The following XRCC4 variants were observed in gnomAD, a reference collection of about 807,000 sequenced individuals.
XRCC4 encodes DNA repair protein XRCC4.
Under a neutral mutation model 39.1 loss-of-function variants are expected in XRCC4, and 28 were observed. The ratio of observed to expected loss-of-function variants is 0.72; its 90% CI spans 0.53 to 0.98. The LOEUF (loss-of-function observed/expected upper bound fraction) is 0.98. Ranked by LOEUF, XRCC4 falls within the 50% of genes least tolerant of loss-of-function variation. XRCC4 has a pLI of 0.00. For synonymous variants in XRCC4, 123 were observed against 126.4 expected (o/e 0.97, Z 0.18); for missense variants, 350 against 376.4 (o/e 0.93, Z 0.58).
intron 1 of XRCC4, among the ~76,000 whole-genome samples, chr5:83,097,755 TTAAG>T (rs1388691912): frequency 6.6e-6 from 1 of 152,146 alleles, no homozygotes; most frequent in African/African-American, 2.4e-5. Context: ...TTCAGTTCTG[TTAAG>T]TGTCATTCTC....
At chr5:83,166,890 T>G (rs1368719055) in intron 3 of XRCC4, among the ~76,000 whole-genome samples, 7 of 148,160 alleles carry the variant, frequency 4.7e-5, no homozygotes, top group Admixed American at 4.0e-4. Context: ...GGGTTTTTTG[T>G]TTTTTTTTTG....
chr5:83,085,716 T>C (rs957145981), intron 1 of XRCC4, among the ~76,000 whole-genome samples: 4 of 152,178 alleles, frequency 2.6e-5, no homozygotes, highest in Admixed American at 6.5e-5. Flanking sequence ...GACTTAGATA[T>C]TAATTTGGGG....
chr5:83,184,176 A>C (rs1297738127), intron 3 of XRCC4, among the ~76,000 whole-genome samples: 1 of 152,094 alleles, frequency 6.6e-6, no homozygotes, highest in Non-Finnish European at 1.5e-5. Context: ...CCAAACATAA[A>C]ATTAACATAC....
At chr5:83,315,718 G>A (rs993532742) in intron 7 of XRCC4, among the ~76,000 whole-genome samples, 3 of 152,038 alleles carry the variant, frequency 2.0e-5, no homozygotes, top group African/African-American at 7.2e-5. Context: ...GATTATTGCA[G>A]GCCTACTGTT....
chr5:83,142,453 T>C (rs1015838671), intron 3 of XRCC4, among the ~76,000 whole-genome samples: 9 of 152,254 alleles, frequency 5.9e-5, no homozygotes, highest in African/African-American at 2.2e-4. Flanking sequence ...CTATATATCA[T>C]GTCTTTTACT....
intron 7 of XRCC4, among the ~76,000 whole-genome samples, chr5:83,326,202 T>G (rs1398329763): frequency 1.3e-5 from 2 of 152,132 alleles, no homozygotes; most frequent in Admixed American, 1.3e-4. Context: ...TTCTGTAGGT[T>G]TTCTGCTAAC....
chr5:83,262,064 G>C (rs1217876560), intron 7 of XRCC4, among the ~76,000 whole-genome samples: 3 of 152,128 alleles, frequency 2.0e-5, no homozygotes, highest in African/African-American at 7.2e-5. Flanking sequence ...ACAAGGTATA[G>C]AAGGAGAGAG....
At chr5:83,306,209 T>TA (rs1323068904) in intron 7 of XRCC4, among the ~76,000 whole-genome samples, 1 of 151,290 alleles carries the variant, frequency 6.6e-6, no homozygotes, top group Non-Finnish European at 1.5e-5. Context: ...ATCAGTACTT[T>TA]TATATATATA....
chr5:83,331,939 G>T (rs1173043578), intron 7 of XRCC4, among the ~76,000 whole-genome samples: 1 of 152,128 alleles, frequency 6.6e-6, no homozygotes, highest in African/African-American at 2.4e-5. Context: ...AGGATGGATA[G>T]TACCAAATGA....
At chr5:83,316,529 CA>C (rs1426545611) in intron 7 of XRCC4, among the ~76,000 whole-genome samples, 1 of 149,402 alleles carries the variant, frequency 6.7e-6, no homozygotes, top group Admixed American at 6.7e-5. Flanking sequence ...CAATGGAAAA[CA>C]AAAAAAGGCA....
At position 83,093,388 on chromosome 5, in the gene XRCC4, A is replaced by G. The variant is rs567040578; in HGVS notation, c.-10-11522A>G. On this transcript the variant is annotated intron_variant, in intron 1 of 7. Coordinates refer to ENST00000396027, the MANE Select transcript of XRCC4 (RefSeq NM_003401.5). The stretch of plus-strand genomic sequence containing the variant: ...AGAGAACTTCAATGCACCACTTTCA[A>G]TAATGGACAGATAATGTCAGAAAAT... 2.6e-5 allele frequency among the ~76,000 whole-genome samples: 4 copies of G among 152,358 alleles called. No homozygotes were observed. The South Asian group carries it at 8.3e-4, about 32-fold the overall frequency.
At position 83,353,648 on chromosome 5, in the gene XRCC4, T is replaced by C. The variant is rs2035990; in HGVS notation, c.*406T>C. The C allele has an allele frequency of 0.1, 15,696 of 153,056 alleles. 1,410 individuals are homozygous for C. The highest frequency in any genetic ancestry group is 0.49 in the East Asian group (2,541 of 5,196). 9.5% of individuals were successfully genotyped at this position (153,056 alleles called of 1,614,324 possible). On this transcript the variant is annotated 3_prime_UTR_variant, in exon 8 of 8. Transcript: ENST00000396027. Reference sequence around the variant, plus strand: ...TTTTGAATAGACGTATTCAAACATATTCTGAACATTGATGTTTGAACATTT... The same window carrying C: ...TTTTGAATAGACGTATTCAAACATACTCTGAACATTGATGTTTGAACATTT...
intron 7 of XRCC4, among the ~76,000 whole-genome samples, chr5:83,352,830 T>C (rs569243315): frequency 6.6e-6 from 1 of 152,318 alleles, no homozygotes; most frequent in East Asian, 1.9e-4. Flanking sequence ...TTCTATATCC[T>C]GGCATAAAAG....
chr5:83,115,337 G>C (rs189598859), intron 3 of XRCC4, among the ~76,000 whole-genome samples: 1,797 of 152,340 alleles, frequency 0.012, 14 homozygotes, highest in Non-Finnish European at 0.018. Context: ...TGAGGCAGGA[G>C]AATGGCTTGA....
intron 7 of XRCC4, among the ~76,000 whole-genome samples, chr5:83,295,372 A>C (rs1023241423): frequency 7.9e-5 from 12 of 152,118 alleles, no homozygotes; most frequent in African/African-American, 2.9e-4. Context: ...ATAAGATGCC[A>C]TGAGAAAAGG....
intron 3 of XRCC4, among the ~76,000 whole-genome samples, chr5:83,116,351 C>T (rs1256729278): frequency 6.6e-6 from 1 of 152,004 alleles, no homozygotes; most frequent in Non-Finnish European, 1.5e-5. Flanking sequence ...AGATGCATAC[C>T]TCTGGGAGTC....
chr5:83,225,802 G>A (rs1752265732), intron 6 of XRCC4, among the ~76,000 whole-genome samples: 1 of 151,668 alleles, frequency 6.6e-6, no homozygotes, highest in African/African-American at 2.4e-5. Context: ...TCTGCTACGA[G>A]ATAGTGAGAG....
intron 6 of XRCC4, among the ~76,000 whole-genome samples, chr5:83,245,098 G>A (rs1358168930): frequency 6.6e-6 from 1 of 152,114 alleles, no homozygotes; most frequent in Non-Finnish European, 1.5e-5. Flanking sequence ...AATCACTTGT[G>A]TTGAGAAAAG....
rs556110474 is a variant in XRCC4 at position 83,259,910 on chromosome 5, A to G, written c.893+1233A>G. Among the ~76,000 whole-genome samples the G allele has an allele frequency of 5.3e-3, 802 of 152,234 alleles. 11 individuals are homozygous for G. The highest frequency in any genetic ancestry group is 5.9e-3 in the Non-Finnish European group (398 of 67,966). On this transcript the variant is annotated intron_variant, in intron 7 of 7. Transcript: ENST00000396027. ...ATAAGGATGCAAAGAAGCACAATTCATGCCATCAGGAAACTGGCAGCCTAG... is the reference window on the plus strand; with the variant it reads ...ATAAGGATGCAAAGAAGCACAATTCGTGCCATCAGGAAACTGGCAGCCTAG...
Sources: gnomAD v4.1 joint callset for allele counts (sites outside exome capture counted in the v4.1 genomes callset) on GRCh38, gnomAD v4.1.1 for gene constraint, MANE v1.5 for transcripts, NCBI Gene and HGNC (gene_info 2026-07-23, HGNC 2026-07-21) for gene names.